DUOX1: variants seen among roughly 807,000 people sequenced by gnomAD.
The protein encoded by DUOX1 is NADPH thyroid oxidase 1.
DUOX1 carries 134 observed loss-of-function variants against 181.8 expected under a neutral mutation model. The observed-to-expected ratio is 0.74, with a 90% confidence interval of 0.64 to 0.85. The LOEUF (loss-of-function observed/expected upper bound fraction) is 0.85. Ranked by LOEUF, DUOX1 falls within the 40% of genes least tolerant of loss-of-function variation. The pLI, the probability that DUOX1 is intolerant of heterozygous loss-of-function variation, is 0.00. For missense variants in DUOX1, 1,814 were observed against 2,064.4 expected (o/e 0.88, Z 2.35); for synonymous variants, 798 against 832.5 (o/e 0.96, Z 0.71).
intron 10 of DUOX1, 173 bp from the exon 11 acceptor site, chr15:45,138,893 C>T (rs533078646): frequency 1.6e-6 from 1 of 618,850 alleles, no homozygotes; most frequent in Non-Finnish European, 2.8e-6. Context: ...AGGGGACACC[C>T]CTCACCCTGA....
rs927989483 is a variant in DUOX1, at chr15:45,162,379, T to A, written c.4248+2T>A. 6.2e-7 allele frequency: 1 copy of A among 1,612,880 alleles called. No individual in the cohort carries two copies. The highest frequency in any genetic ancestry group is 8.5e-7 in the Non-Finnish European group (1 of 1,179,368). The stretch of plus-strand genomic sequence containing the variant: ...AGCTGCCAAGTGTTCTGTAAGAAGG[T>A]GAGTACTGCCCCCACTTCCCACCAA... On this transcript the variant is annotated splice_donor_variant, in intron 31 of 33. Coordinates refer to ENST00000389037, the MANE Select transcript of DUOX1 (RefSeq NM_175940.3). LOFTEE classifies it high-confidence loss of function.
intron 13 of DUOX1, 69 bp from the exon 14 acceptor site, chr15:45,141,223 T>C: frequency 1.3e-6 from 2 of 1,589,482 alleles, no homozygotes. Context: ...ACCTGGGTCC[T>C]TGGGCCTGGG....
intron 5 of DUOX1, 90 bp downstream of exon 5, chr15:45,135,381 C>A (rs1252729984): frequency 2.9e-5 from 43 of 1,496,048 alleles, no homozygotes; most frequent in Middle Eastern, 2.4e-4. Context: ...GGGAGAGGCG[C>A]CCACTCCCCA....
At chr15:45,141,782 G>GTA (rs1896500019) in intron 14 of DUOX1, 193 bp from the exon 15 acceptor site, 2 of 502,650 alleles carry the variant, frequency 4.0e-6, no homozygotes, top group Non-Finnish European at 7.1e-6. Flanking sequence ...GTGTGTGTGT[G>GTA]TACACTTCTG....
chr15:45,138,845 T>C (rs1041161288), intron 10 of DUOX1: 1 of 535,696 alleles, frequency 1.9e-6, no homozygotes. Context: ...TTAAGATCCC[T>C]TGTGCTTGTA....
At chr15:45,163,749 C>G in intron 32 of DUOX1, 41 bp from the exon 33 acceptor site, 1 of 1,613,630 alleles carries the variant, frequency 6.2e-7, no homozygotes, top group Non-Finnish European at 8.5e-7. Context: ...TTGACCCTAG[C>G]TGTGCCTGGC....
intron 25 of DUOX1, 40 bp downstream of exon 25, chr15:45,152,556 C>A (rs1476739893): frequency 2.5e-6 from 4 of 1,571,904 alleles, no homozygotes; most frequent in Non-Finnish European, 2.6e-6. Flanking sequence ...CCAGGGCCTC[C>A]CGCCCCCGCT....
chr15:45,138,259 C>T lies in DUOX1; in HGVS notation c.1113+245C>T, dbSNP rs561877758. Among the ~76,000 whole-genome samples, 16 of 152,320 alleles carry T rather than the reference C, an allele frequency of 1.1e-4. No homozygotes were observed. The South Asian group carries it at 1.7e-3, about 16-fold the overall frequency. ...GCCAAAAGCCAACCCACCACCCCAA[C>T]CTCAGGGCTGTGGGAAAGCCAGTGG... On this transcript the variant is annotated intron_variant, in intron 10 of 33. Transcript: ENST00000389037.
chr15:45,135,581 C>G lies in DUOX1; in HGVS notation c.603C>G (p.Pro201=), dbSNP rs76210824. ...CCAGGGGACAGCTGGCGTCGGGGCCCGACCCCGCTTTTCCCCGAGACTCGC... is the reference window on the plus strand; with the variant it reads ...CCAGGGGACAGCTGGCGTCGGGGCCGGACCCCGCTTTTCCCCGAGACTCGC... ...SFSRGQLASG[P]DPAFPRDSQN... Residue 201 remains proline, a synonymous_variant, in exon 6 of 34, where the codon CCC becomes CCG. Transcript: ENST00000389037. The G allele has an allele frequency of 1.7e-4, 264 of 1,562,208 alleles. 2 individuals are homozygous for G. In the African/African-American group the frequency reaches 3.4e-3, roughly 20 times the overall value.
At chr15:45,150,906 C>T (rs1896784347) in intron 22 of DUOX1, among the ~76,000 whole-genome samples, 1 of 152,188 alleles carries the variant, frequency 6.6e-6, no homozygotes, top group Non-Finnish European at 1.5e-5. Flanking sequence ...TACGGCCTGG[C>T]CCAGATGCCC....
chr15:45,162,387 GC>G lies in DUOX1; in HGVS notation c.4248+15del. The G allele has an allele frequency of 6.2e-7, 1 of 1,610,826 alleles. No homozygotes were observed. Among genetic ancestry groups the G allele is most frequent in the South Asian group, 1.1e-5 (1 of 90,570 alleles). On this transcript the variant is annotated intron_variant, in intron 31 of 33. Transcript: ENST00000389037. ...AGTGTTCTGTAAGAAGGTGAGTACT[GC>G]CCCCACTTCCCACCAACCCATGGCC... is the stretch of plus-strand genomic sequence containing the variant.
Position 45,152,333 on chromosome 15 carries a change from G to A in DUOX1, c.3241G>A (p.Val1081Met), listed in dbSNP as rs149942815. 131 of 1,614,048 alleles carry A rather than the reference G, an allele frequency of 8.1e-5. No individual in the cohort carries two copies. The highest frequency in any genetic ancestry group is 1.1e-4 in the Non-Finnish European group (128 of 1,180,030). ...CACGGGCATCACAGACACCACCCGC[G>A]TGGGAATCATCCTGTCGCGGGGCAC... ...HHTGITDTTR[V>M]GIILSRGTAA... The change falls in exon 25 of 34, where the codon GTG (valine) becomes ATG (methionine). Residue 1081 changes from valine (V) to methionine (M), a missense_variant. This residue lies in a region of DUOX1 where 1,064 missense variants were observed against 1,152.9 expected (regional missense o/e 0.92). Coordinates refer to ENST00000389037, the MANE Select transcript of DUOX1 (RefSeq NM_175940.3).
chr15:45,140,778 G>A (rs1001595113), intron 12 of DUOX1, 117 bp from the exon 13 acceptor site: 42 of 1,024,252 alleles, frequency 4.1e-5, no homozygotes, highest in Non-Finnish European at 5.7e-5. Flanking sequence ...ATAGGAGTGA[G>A]TTACTGTTAC....
At position 45,132,038 on chromosome 15, in the gene DUOX1, G is replaced by A. The variant is rs752277442; in HGVS notation, c.58+14G>A. 1.3e-6 allele frequency: 2 copies of A among 1,592,250 alleles called. No individual in the cohort carries two copies. The highest frequency in any genetic ancestry group is 1.4e-5 in the African/African-American group (1 of 73,584). ...GGACCCCTCTGGGTGAGTACAGATT[G>A]GAGGAGAAGCATGGTTAGGAGCAGA... On this transcript the variant is annotated intron_variant, in intron 2 of 33. Transcript: ENST00000389037.
chr15:45,131,723 T>TG (rs1224374008), intron 1 of DUOX1, 195 bp from the exon 2 acceptor site: 34 of 556,344 alleles, frequency 6.1e-5, no homozygotes, highest in Non-Finnish European at 8.0e-5. Flanking sequence ...TCTATGTCAG[T>TG]GGCTGGTATG....
chr15:45,162,509 G>A, intron 31 of DUOX1, 132 bp downstream of exon 31: 1 of 1,215,332 alleles, frequency 8.2e-7, no homozygotes, highest in Non-Finnish European at 1.1e-6. Context: ...TTTGAAACCT[G>A]GGGTTGGGTG....
chr15:45,146,977 T>A (rs1030529396), intron 18 of DUOX1, among the ~76,000 whole-genome samples: 1 of 152,154 alleles, frequency 6.6e-6, no homozygotes, highest in Admixed American at 6.5e-5. Context: ...GAAACCCCAA[T>A]AAGCTAGCAT....
Position 45,135,579 on chromosome 15 carries a change from C to A in DUOX1, c.601C>A (p.Pro201Thr). The A allele has an allele frequency of 2.6e-6, 4 of 1,561,472 alleles. No homozygotes were observed. The South Asian group carries it at 3.5e-5, about 14-fold the overall frequency. Residue 201 changes from proline to threonine, a missense_variant, in exon 6 of 34, where the codon CCC (proline) becomes ACC (threonine). Pro to Thr is a conservative substitution (Grantham distance 38, BLOSUM62 -1). This residue lies in a region of DUOX1 where 320 missense variants were observed against 313.1 expected (regional missense o/e 1.02). Coordinates refer to ENST00000389037, the MANE Select transcript of DUOX1 (RefSeq NM_175940.3). ...CTCCAGGGGACAGCTGGCGTCGGGGCCCGACCCCGCTTTTCCCCGAGACTC... is the reference window on the plus strand; with the variant it reads ...CTCCAGGGGACAGCTGGCGTCGGGGACCGACCCCGCTTTTCCCCGAGACTC... ...SFSRGQLASG[P>T]DPAFPRDSQN...
chr15:45,156,484 G>C (rs1018297668), intron 28 of DUOX1, among the ~76,000 whole-genome samples: 1 of 152,120 alleles, frequency 6.6e-6, no homozygotes, highest in Non-Finnish European at 1.5e-5. Flanking sequence ...CCAGGCTGGA[G>C]TGCAATGGCA....
Sources: gnomAD v4.1 joint callset for allele counts (sites outside exome capture counted in the v4.1 genomes callset) on GRCh38, gnomAD v4.1.1 for gene constraint, gnomAD v4.1.1 regional missense constraint, MANE v1.5 for transcripts, NCBI Gene and HGNC (gene_info 2026-07-23, HGNC 2026-07-21) for gene names.